Variants in DLGAP1 observed in about 807,000 individuals in gnomAD.
The protein encoded by DLGAP1 is DLG associated protein 1.
Under a neutral mutation model 90.8 loss-of-function variants are expected in DLGAP1, and 11 were observed. The ratio of observed to expected loss-of-function variants is 0.12; its 90% CI spans 0.08 to 0.20. The LOEUF (loss-of-function observed/expected upper bound fraction) is 0.20, where lower values mean the gene tolerates loss of function less well. DLGAP1 is among the 10% of genes least tolerant of loss of function. The probability of loss-of-function intolerance (pLI) is 1.00; values close to 1 mark genes in which losing one functional copy is unlikely to be tolerated. For missense variants in DLGAP1, 1,050 were observed against 1,333.8 expected (o/e 0.79, Z 3.31); for synonymous variants, 558 against 540.7 (o/e 1.03, Z -0.44).
At chr18:4,020,828 A>G (rs2074596546) in intron 2 of DLGAP1, among the ~76,000 whole-genome samples, 1 of 152,216 alleles carries the variant, frequency 6.6e-6, no homozygotes, top group Non-Finnish European at 1.5e-5. Context: ...TCTGGTTGCA[A>G]GAGTCTGAAC....
rs1258233726 is a variant in DLGAP1, at chr18:4,076,661, T to C, written c.-158-71460A>G. ...TTTCTTGAGGCAGCATCTTGCTCTGTTGCCCAGACTGGAGTGCAGTGGCGT... is the reference window on the plus strand; with the variant it reads ...TTTCTTGAGGCAGCATCTTGCTCTGCTGCCCAGACTGGAGTGCAGTGGCGT... On this transcript the variant is annotated intron_variant, in intron 2 of 12. Transcript: ENST00000315677. 3.9e-5 allele frequency among the ~76,000 whole-genome samples: 6 copies of C among 152,120 alleles called. 1 individual carries two copies. Among genetic ancestry groups the C allele is most frequent in the Middle Eastern group, 6.3e-3 (2 of 316 alleles).
At chr18:4,436,136 TA>T (rs2083393119) in intron 1 of DLGAP1, among the ~76,000 whole-genome samples, 1 of 152,202 alleles carries the variant, frequency 6.6e-6, no homozygotes, top group African/African-American at 2.4e-5. Flanking sequence ...GGAAAGCAGA[TA>T]AACATGGTCA....
At chr18:3,633,791 A>G (rs1343666499) in intron 7 of DLGAP1, among the ~76,000 whole-genome samples, 1 of 152,178 alleles carries the variant, frequency 6.6e-6, no homozygotes, top group Non-Finnish European at 1.5e-5. Flanking sequence ...GGTTTAAGAG[A>G]CCCTCTAAAG....
chr18:3,898,005 A>G lies in DLGAP1; in HGVS notation c.-72-17865T>C, dbSNP rs563516520. ...GAGACGGGGTTTCACCTTGTTAGCC[A>G]GGATGGTCTCGATCTCCTGACCTCG... On this transcript the variant is annotated intron_variant, in intron 3 of 12. Coordinates refer to ENST00000315677, the MANE Select transcript of DLGAP1 (RefSeq NM_004746.4). Among the ~76,000 whole-genome samples, 64 of 152,060 alleles carry G rather than the reference A, an allele frequency of 4.2e-4. No homozygotes were observed. In the South Asian group the frequency reaches 6.0e-3, roughly 14 times the overall value.
chr18:3,560,178 T>C (rs867109071), intron 9 of DLGAP1, among the ~76,000 whole-genome samples: 28 of 149,420 alleles, frequency 1.9e-4, no homozygotes, highest in Admixed American at 8.1e-4. Context: ...CCCAGCACTT[T>C]GGGAGGGTGA....
At chr18:3,532,743 A>G (rs2052093700) in intron 10 of DLGAP1, among the ~76,000 whole-genome samples, 1 of 152,226 alleles carries the variant, frequency 6.6e-6, no homozygotes, top group South Asian at 2.1e-4. Context: ...TGTTTCAAAA[A>G]TATCATCAGT....
At chr18:3,786,343 T>A (rs1167864620) in intron 5 of DLGAP1, among the ~76,000 whole-genome samples, 1 of 152,154 alleles carries the variant, frequency 6.6e-6, no homozygotes, top group South Asian at 2.1e-4. Flanking sequence ...ACGATGATGA[T>A]GACTAGATAG....
chr18:4,398,094 A>G (rs2082476407), intron 1 of DLGAP1, among the ~76,000 whole-genome samples: 1 of 152,228 alleles, frequency 6.6e-6, no homozygotes, highest in Non-Finnish European at 1.5e-5. Context: ...ACCAATGTAT[A>G]TCAAAATTAA....
At chr18:4,407,299 GT>G (rs2082683351) in intron 1 of DLGAP1, among the ~76,000 whole-genome samples, 1 of 152,152 alleles carries the variant, frequency 6.6e-6, no homozygotes, top group Non-Finnish European at 1.5e-5. Flanking sequence ...GGCTGCCCAA[GT>G]TTTTCCCTTT....
chr18:3,959,921 T>TA (rs1212857361), intron 3 of DLGAP1, among the ~76,000 whole-genome samples: 2 of 152,202 alleles, frequency 1.3e-5, no homozygotes, highest in Non-Finnish European at 2.9e-5. Context: ...CTTTTACACT[T>TA]ACATCACATT....
chr18:3,536,163 TTTC>T (rs200125646), intron 9 of DLGAP1, among the ~76,000 whole-genome samples: 2,053 of 151,622 alleles, frequency 0.014, 38 homozygotes, highest in African/African-American at 0.047. Flanking sequence ...CTGAAGTAAG[TTTC>T]TTTCTTTCTT....
At chr18:4,022,272 T>C (rs1412163202) in intron 2 of DLGAP1, among the ~76,000 whole-genome samples, 3 of 151,690 alleles carry the variant, frequency 2.0e-5, no homozygotes, top group South Asian at 2.1e-4. Context: ...TTTTGTTTCA[T>C]TTACTTTGGT....
At chr18:3,691,387 A>C (rs889868657) in intron 7 of DLGAP1, among the ~76,000 whole-genome samples, 10 of 151,614 alleles carry the variant, frequency 6.6e-5, no homozygotes, top group African/African-American at 2.4e-4. Context: ...ACATCGCGCC[A>C]CTGCATTCCA....
intron 8 of DLGAP1, among the ~76,000 whole-genome samples, chr18:3,575,739 A>G (rs1282871353): frequency 6.6e-6 from 1 of 152,216 alleles, no homozygotes; most frequent in South Asian, 2.1e-4. Context: ...TAGTTTAGAC[A>G]TACAACTTTG....
intron 4 of DLGAP1, among the ~76,000 whole-genome samples, chr18:3,831,095 T>A (rs552948890): frequency 2.0e-5 from 3 of 152,292 alleles, no homozygotes; most frequent in Admixed American, 2.0e-4. Flanking sequence ...TGCATGTGTG[T>A]AGAGGGGGTA....
At chr18:3,891,224 G>A (rs1011111228) in intron 3 of DLGAP1, among the ~76,000 whole-genome samples, 10 of 152,048 alleles carry the variant, frequency 6.6e-5, no homozygotes, top group Non-Finnish European at 1.3e-4. Context: ...TCCATCCCTA[G>A]TGGTCTTCAC....
chr18:4,164,831 AG>A (rs761369883), intron 1 of DLGAP1, among the ~76,000 whole-genome samples: 1 of 152,186 alleles, frequency 6.6e-6, no homozygotes, highest in Non-Finnish European at 1.5e-5. Context: ...ACTAAAAAAT[AG>A]AAAAACATAA....
chr18:4,267,452 T>G (rs551356159), intron 1 of DLGAP1, among the ~76,000 whole-genome samples: 10 of 152,226 alleles, frequency 6.6e-5, no homozygotes, highest in Non-Finnish European at 1.0e-4. Flanking sequence ...TATAAAATGC[T>G]TAATGGGAAG....
At chr18:3,593,320 A>G (rs955927677) in intron 7 of DLGAP1, among the ~76,000 whole-genome samples, 1 of 152,236 alleles carries the variant, frequency 6.6e-6, no homozygotes, top group African/African-American at 2.4e-5. Flanking sequence ...GAGAAATGCC[A>G]CAAAACAAAA....
Sources: gnomAD v4.1 joint callset for allele counts (sites outside exome capture counted in the v4.1 genomes callset) on GRCh38, gnomAD v4.1.1 for gene constraint, MANE v1.5 for transcripts, NCBI Gene and HGNC (gene_info 2026-07-23, HGNC 2026-07-21) for gene names.